WWTR1: variants seen among roughly 807,000 people sequenced by gnomAD.
WWTR1 encodes WW domain containing transcription regulator 1, also known as WW domain-containing transcription regulator protein 1.
WWTR1 carries 13 observed loss-of-function variants against 40.1 expected under a neutral mutation model. The observed-to-expected ratio is 0.32, with a 90% CI of 0.21 to 0.52. The LOEUF is 0.52. WWTR1 is among the 20% of genes least tolerant of loss of function. The pLI is 0.97. For missense variants in WWTR1, 436 were observed against 523.1 expected (o/e 0.83, Z 1.63); for synonymous variants, 230 against 210.1 (o/e 1.09, Z -0.82).
intron 4 of WWTR1, among the ~76,000 whole-genome samples, chr3:149,537,229 G>A (rs958343501): frequency 1.3e-5 from 2 of 151,950 alleles, no homozygotes; most frequent in African/African-American, 4.8e-5. Flanking sequence ...ATTTATGTAC[G>A]GCCTGTTGTA....
Position 149,657,216 on chromosome 3 carries a change from G to A in WWTR1, c.91C>T (p.Leu31Phe). The A allele has an allele frequency of 6.2e-7, 1 of 1,612,690 alleles. No homozygotes were observed. The highest frequency in any genetic ancestry group is 8.5e-7 in the Non-Finnish European group (1 of 1,179,538). Residue 31 changes from leucine to phenylalanine, a missense_variant, in exon 2 of 7, where the codon CTC (leucine) becomes TTC (phenylalanine). By Grantham distance (22) the Leu-to-Phe change is conservative. Transcript: ENST00000360632. Reference protein sequence around the residue: ...TQDLDTDLEALFNSVMNPKPS... With the variant: ...TQDLDTDLEAFFNSVMNPKPS... ...TTCGGATTCATGACAGAGTTGAAGAGGGCTTCGAGGTCTGTGTCTAGGTCC... is the reference window on the plus strand; with the variant it reads ...TTCGGATTCATGACAGAGTTGAAGAAGGCTTCGAGGTCTGTGTCTAGGTCC...
chr3:149,692,427 C>T (rs571143195), intron 1 of WWTR1, among the ~76,000 whole-genome samples: 101 of 152,226 alleles, frequency 6.6e-4, no homozygotes, highest in East Asian at 1.2e-3. Context: ...TCTTGAAATA[C>T]TATTTGATAA....
At chr3:149,584,099 G>A (rs986345099) in intron 2 of WWTR1, among the ~76,000 whole-genome samples, 2 of 152,154 alleles carry the variant, frequency 1.3e-5, no homozygotes, top group Non-Finnish European at 2.9e-5. Context: ...TTAACATGTT[G>A]TTTTTTCCAG....
At chr3:149,543,956 C>G (rs921545163) in intron 3 of WWTR1, among the ~76,000 whole-genome samples, 1 of 150,932 alleles carries the variant, frequency 6.6e-6, no homozygotes, top group South Asian at 2.1e-4. Context: ...AACATAGAGA[C>G]GAGGTTTCAC....
exon 4 of WWTR1, chr3:149,724,194 T>C (rs11925691): frequency 0.064 from 9,717 of 152,232 alleles, 353 homozygotes; most frequent in Non-Finnish European, 0.086. Context: ...TCAAAAACTT[T>C]TTATAGTGAA....
intron 3 of WWTR1, among the ~76,000 whole-genome samples, chr3:149,551,797 C>A (rs985557632): frequency 1.4e-5 from 2 of 145,568 alleles, no homozygotes; most frequent in Admixed American, 6.9e-5. Flanking sequence ...TAATGCCTTC[C>A]CTTAAAAAGA....
Position 149,615,240 on chromosome 3 carries a change from A to C in WWTR1, c.431+41636T>G, listed in dbSNP as rs554192577. ...GAAATACCTATAATTCAGCTCTGAA[A>C]ATTGCATTCAAAACACTGGTTTCAA... On this transcript the variant is annotated intron_variant, in intron 2 of 6. Transcript: ENST00000360632. Among the ~76,000 whole-genome samples, 9 of 152,328 alleles carry C rather than the reference A, an allele frequency of 5.9e-5. No individual in the cohort carries two copies. The South Asian group carries it at 1.9e-3, about 32-fold the overall frequency.
chr3:149,586,532 G>A (rs576961021), intron 2 of WWTR1, among the ~76,000 whole-genome samples: 82 of 152,194 alleles, frequency 5.4e-4, no homozygotes, highest in Non-Finnish European at 9.7e-4. Context: ...AACCCTTGTA[G>A]ATAGGGGTGC....
chr3:149,605,651 G>C (rs1244548919), intron 2 of WWTR1, among the ~76,000 whole-genome samples: 1 of 152,126 alleles, frequency 6.6e-6, no homozygotes, highest in East Asian at 1.9e-4. Flanking sequence ...TCAAAAGAAA[G>C]ATTTGTGCTA....
intron 2 of WWTR1, among the ~76,000 whole-genome samples, chr3:149,667,754 C>T (rs1008243451): frequency 6.6e-6 from 1 of 152,064 alleles, no homozygotes; most frequent in Admixed American, 6.5e-5. Context: ...AGTGGCTGCA[C>T]GTTGTAGTTC....
At chr3:149,640,859 G>T (rs1364707915) in intron 2 of WWTR1, among the ~76,000 whole-genome samples, 2 of 152,132 alleles carry the variant, frequency 1.3e-5, no homozygotes, top group Non-Finnish European at 2.9e-5. Context: ...ACTAAAACAT[G>T]ATGTCATTTG....
At chr3:149,619,906 C>T (rs1022631786) in intron 2 of WWTR1, among the ~76,000 whole-genome samples, 3 of 152,098 alleles carry the variant, frequency 2.0e-5, no homozygotes, top group East Asian at 1.9e-4. Flanking sequence ...TCTCACAGAT[C>T]GATTTCTAAA....
intron 1 of WWTR1, among the ~76,000 whole-genome samples, chr3:149,692,156 TA>T (rs985885316): frequency 1.3e-3 from 168 of 133,318 alleles, no homozygotes; most frequent in African/African-American, 2.6e-3. Flanking sequence ...AAAGACACAT[TA>T]AAAAAAAAAA....
intron 1 of WWTR1, among the ~76,000 whole-genome samples, chr3:149,687,639 GT>G (rs1714697071): frequency 6.6e-6 from 1 of 152,210 alleles, no homozygotes; most frequent in Admixed American, 6.5e-5. Context: ...ACACAGCTAG[GT>G]AGTGCTGCTT....
intron 2 of WWTR1, among the ~76,000 whole-genome samples, chr3:149,586,436 G>T (rs1417604161): frequency 6.6e-6 from 1 of 152,078 alleles, no homozygotes. Context: ...AAACCAATTT[G>T]AATAACCAAA....
At position 149,541,798 on chromosome 3, in the gene WWTR1, T is replaced by C. The variant is rs568231876; in HGVS notation, c.771+537A>G. Among the ~76,000 whole-genome samples the C allele has an allele frequency of 6.6e-5, 10 of 152,268 alleles. No individual in the cohort carries two copies. The East Asian group carries it at 1.9e-3, about 29-fold the overall frequency. On this transcript the variant is annotated intron_variant, in intron 4 of 6. Coordinates refer to ENST00000360632, the MANE Select transcript of WWTR1 (RefSeq NM_015472.6). ...CCACACCATAGATCCCAGGCTTTTG[T>C]TCCAGCTTAGCCCAGTCTTCCAGCA...
At chr3:149,521,256 A>G (rs557428030) in intron 6 of WWTR1, among the ~76,000 whole-genome samples, 1 of 152,214 alleles carries the variant, frequency 6.6e-6, no homozygotes, top group Non-Finnish European at 1.5e-5. Context: ...CCCATGACAA[A>G]GGTGTGAAGA....
chr3:149,649,848 A>C (rs968893097), intron 2 of WWTR1: 2 of 148,582 alleles, frequency 1.3e-5, no homozygotes, highest in African/African-American at 2.5e-5. Flanking sequence ...ACCTGGGAGC[A>C]GGAGGCTGCC....
At chr3:149,536,220 A>G (rs1735823357) in intron 4 of WWTR1, among the ~76,000 whole-genome samples, 1 of 152,164 alleles carries the variant, frequency 6.6e-6, no homozygotes, top group African/African-American at 2.4e-5. Flanking sequence ...GCATTTGTAA[A>G]ACAAATATAT....
Sources: allele counts gnomAD v4.1 joint callset (sites outside exome capture counted in the v4.1 genomes callset), GRCh38; gene constraint gnomAD v4.1.1; transcripts MANE v1.5; gene names NCBI Gene and HGNC (gene_info 2026-07-23, HGNC 2026-07-21).